Variants in FHIP1A observed in about 807,000 individuals in gnomAD.
The protein encoded by FHIP1A is FHF complex subunit HOOK-interacting protein 1A.
In FHIP1A, 61 loss-of-function variants were observed where a neutral mutation model predicts 88.6. That is an observed-to-expected ratio of 0.69 (90% CI 0.56 to 0.85). The LOEUF (loss-of-function observed/expected upper bound fraction) is 0.85, where lower values mean the gene tolerates loss of function less well. FHIP1A is among the 40% of genes least tolerant of loss of function. The pLI, the probability that FHIP1A is intolerant of heterozygous loss-of-function variation, is 0.00. For synonymous variants in FHIP1A, 478 were observed against 496.0 expected, an observed-to-expected ratio of 0.96 and a Z score of 0.48; for missense variants, 1,154 against 1,273.5, an observed-to-expected ratio of 0.91 and a Z score of 1.43.
At chr4:151,517,386 G>C (rs1731281586) in intron 3 of FHIP1A, among the ~76,000 whole-genome samples, 1 of 151,944 alleles carries the variant, frequency 6.6e-6, no homozygotes. Context: ...CACCAGCATG[G>C]CACATGTATA....
intron 3 of FHIP1A, among the ~76,000 whole-genome samples, chr4:151,499,016 A>G (rs1348764334): frequency 6.6e-6 from 1 of 152,228 alleles, no homozygotes; most frequent in African/African-American, 2.4e-5. Context: ...TTATTAAGCA[A>G]TGAATAGAAG....
chr4:151,459,396 G>A (rs189028785), intron 2 of FHIP1A, among the ~76,000 whole-genome samples: 30 of 152,136 alleles, frequency 2.0e-4, no homozygotes, highest in Non-Finnish European at 4.3e-4. Flanking sequence ...GTGAGTACGG[G>A]TGGGACCAAA....
At chr4:151,416,061 T>C (rs1052891463) in intron 1 of FHIP1A, among the ~76,000 whole-genome samples, 2 of 152,204 alleles carry the variant, frequency 1.3e-5, no homozygotes, top group Non-Finnish European at 2.9e-5. Flanking sequence ...TCTCCTTAAA[T>C]TGTTAAAGTT....
At chr4:151,427,499 A>G (rs1182934448) in intron 1 of FHIP1A, among the ~76,000 whole-genome samples, 4 of 152,164 alleles carry the variant, frequency 2.6e-5, no homozygotes, top group Admixed American at 6.5e-5. Context: ...ATTGTTCTCT[A>G]TAAGTCAGAC....
At chr4:151,562,806 A>G (rs1733226435) in intron 3 of FHIP1A, among the ~76,000 whole-genome samples, 1 of 152,188 alleles carries the variant, frequency 6.6e-6, no homozygotes, top group African/African-American at 2.4e-5. Flanking sequence ...AGCTGTCCAA[A>G]TAGTCTGAAG....
At chr4:151,535,412 A>G (rs1732031619) in intron 3 of FHIP1A, among the ~76,000 whole-genome samples, 1 of 152,212 alleles carries the variant, frequency 6.6e-6, no homozygotes, top group African/African-American at 2.4e-5. Context: ...CTTAGTAATT[A>G]TAGGAATTTA....
Position 151,478,258 on chromosome 4 carries a change from T to C in FHIP1A, c.-247-4266T>C, listed in dbSNP as rs577993748. On this transcript the variant is annotated intron_variant, in intron 2 of 13. Coordinates refer to ENST00000435205, the MANE Select transcript of FHIP1A (RefSeq NM_001109977.3). ...TGAAATAGTATAATATGTTTATTTG[T>C]GTAAAAAACATTTATACAAGATGTT... 7.2e-5 allele frequency among the ~76,000 whole-genome samples: 11 copies of C among 152,312 alleles called. No homozygotes were observed. The South Asian group carries it at 1.9e-3, about 26-fold the overall frequency.
At chr4:151,598,411 A>G (rs1428771091) in intron 7 of FHIP1A, among the ~76,000 whole-genome samples, 1 of 152,162 alleles carries the variant, frequency 6.6e-6, no homozygotes, top group Non-Finnish European at 1.5e-5. Flanking sequence ...TCAATGGGAA[A>G]TGCAGAAATC....
chr4:151,575,731 G>A (rs1413096714), intron 4 of FHIP1A, among the ~76,000 whole-genome samples: 1 of 152,176 alleles, frequency 6.6e-6, no homozygotes, highest in Non-Finnish European at 1.5e-5. Context: ...CTGTAAGGAT[G>A]GACTTGCCTG....
chr4:151,553,557 C>T (rs1475177513), intron 3 of FHIP1A, among the ~76,000 whole-genome samples: 7 of 151,952 alleles, frequency 4.6e-5, no homozygotes, highest in Non-Finnish European at 8.8e-5. Flanking sequence ...ATATTTCTAT[C>T]GTGTATTAGA....
rs186632889 is a variant in FHIP1A, at chr4:151,426,930, A to G, written c.-356+17465A>G. On this transcript the variant is annotated intron_variant, in intron 1 of 13. Transcript: ENST00000435205. Reference sequence around the variant, plus strand: ...CTGTGCTAGAAAGGTTTCAAGGTACATTTAAAATATAATCACAGAAAGCAG... The same window carrying G: ...CTGTGCTAGAAAGGTTTCAAGGTACGTTTAAAATATAATCACAGAAAGCAG... 2.6e-3 allele frequency among the ~76,000 whole-genome samples: 403 copies of G among 152,308 alleles called. 2 individuals carry two copies. The highest frequency in any genetic ancestry group is 9.4e-3 in the African/African-American group (390 of 41,588).
At chr4:151,629,031 G>A (rs570991571) in intron 7 of FHIP1A, among the ~76,000 whole-genome samples, 7 of 152,258 alleles carry the variant, frequency 4.6e-5, no homozygotes, top group Non-Finnish European at 8.8e-5. Context: ...ACACCAGGTA[G>A]CATATATTAA....
At chr4:151,557,944 ATGT>A (rs1372769106) in intron 3 of FHIP1A, among the ~76,000 whole-genome samples, 1 of 152,148 alleles carries the variant, frequency 6.6e-6, no homozygotes, top group African/African-American at 2.4e-5. Context: ...GCTACAGTGT[ATGT>A]TGTTCTATAT....
intron 11 of FHIP1A, among the ~76,000 whole-genome samples, chr4:151,655,154 A>G (rs1737184822): frequency 1.3e-5 from 2 of 152,248 alleles, no homozygotes; most frequent in African/African-American, 4.8e-5. Flanking sequence ...TTCATAAGGC[A>G]TGGCTTATAT....
At chr4:151,484,949 G>A (rs540491156) in intron 3 of FHIP1A, among the ~76,000 whole-genome samples, 2 of 152,238 alleles carry the variant, frequency 1.3e-5, no homozygotes, top group East Asian at 1.9e-4. Flanking sequence ...TTTCTCTGTG[G>A]CTTCCCTGGC....
At chr4:151,536,524 C>T (rs142630488) in intron 3 of FHIP1A, among the ~76,000 whole-genome samples, 13 of 152,190 alleles carry the variant, frequency 8.5e-5, no homozygotes, top group South Asian at 2.1e-4. Flanking sequence ...AAAATTTTAT[C>T]GTTAAAAAAT....
chr4:151,443,361 AGGCT>A (rs1728476689), intron 1 of FHIP1A, among the ~76,000 whole-genome samples: 1 of 152,134 alleles, frequency 6.6e-6, no homozygotes, highest in Non-Finnish European at 1.5e-5. Flanking sequence ...TCTGTCACCC[AGGCT>A]GGATCGCAAT....
At chr4:151,574,071 T>C (rs1212909298) in intron 4 of FHIP1A, among the ~76,000 whole-genome samples, 3 of 152,198 alleles carry the variant, frequency 2.0e-5, no homozygotes, top group Admixed American at 2.0e-4. Flanking sequence ...CATGGGTGTG[T>C]CTGCCTGGAA....
chr4:151,662,072 G>T (rs1465429206), intron 13 of FHIP1A, among the ~76,000 whole-genome samples: 1 of 152,232 alleles, frequency 6.6e-6, no homozygotes, highest in African/African-American at 2.4e-5. Flanking sequence ...TGTGCTGTCA[G>T]GGCTTAACTG....
Sources: allele counts gnomAD v4.1 joint callset (sites outside exome capture counted in the v4.1 genomes callset), GRCh38; gene constraint gnomAD v4.1.1; transcripts MANE v1.5; gene names NCBI Gene and HGNC (gene_info 2026-07-23, HGNC 2026-07-21).